PTK7: variants seen among roughly 807,000 people sequenced by gnomAD.
PTK7 encodes inactive tyrosine-protein kinase 7.
A neutral mutation model predicts 116.6 loss-of-function variants in PTK7; 39 were observed. The observed-to-expected ratio is 0.33, with a 90% CI of 0.26 to 0.44. PTK7 has a LOEUF of 0.44. PTK7 is among the 20% of genes least tolerant of loss of function. The pLI, the probability that PTK7 is intolerant of heterozygous loss-of-function variation, is 1.00. For synonymous variants in PTK7, 546 were observed against 563.6 expected (o/e 0.97, Z 0.44); for missense variants, 1,169 against 1,425.6 (o/e 0.82, Z 2.90).
chr6:43,085,909 G>A (rs1428852202), intron 1 of PTK7, among the ~76,000 whole-genome samples: 4 of 149,814 alleles, frequency 2.7e-5, no homozygotes, highest in Non-Finnish European at 5.9e-5. Context: ...CTCCAGCCTG[G>A]GCAACAAGAG....
intron 17 of PTK7, among the ~76,000 whole-genome samples, chr6:43,153,992 G>A (rs1323226038): frequency 6.6e-6 from 1 of 151,890 alleles, no homozygotes; most frequent in South Asian, 2.1e-4. Context: ...GTGAAACCCC[G>A]TTTCTACTAA....
At position 43,138,232 on chromosome 6, in the gene PTK7, G is replaced by GTGCAGT. The variant is rs367560522; in HGVS notation, c.1229-616_1229-611dup. 5.8e-3 allele frequency among the ~76,000 whole-genome samples: 883 copies of GTGCAGT among 151,866 alleles called. 15 individuals are homozygous for GTGCAGT. The highest frequency in any genetic ancestry group is 0.02 in the African/African-American group (829 of 41,384). The stretch of plus-strand genomic sequence containing the variant: ...GTTTCACTCTGTTGCCTAGGCTAGA[G>GTGCAGT]TGCAGTGTCTTACAGCAGCCCTCCC... On this transcript the variant is annotated intron_variant, in intron 7 of 19. Transcript: ENST00000230419.
chr6:43,134,283 C>T (rs750585352), intron 7 of PTK7, among the ~76,000 whole-genome samples: 1 of 152,108 alleles, frequency 6.6e-6, no homozygotes, highest in South Asian at 2.1e-4. Flanking sequence ...AAGTGATCCA[C>T]CTGCCTCGGC....
intron 1 of PTK7, among the ~76,000 whole-genome samples, chr6:43,106,723 G>A (rs1767909602): frequency 7.1e-6 from 1 of 140,342 alleles, no homozygotes; most frequent in Admixed American, 8.0e-5. Context: ...GTGTGATCTC[G>A]ACTCATGGCA....
At chr6:43,114,154 T>C (rs1768358956) in intron 1 of PTK7, among the ~76,000 whole-genome samples, 1 of 152,190 alleles carries the variant, frequency 6.6e-6, no homozygotes, top group Non-Finnish European at 1.5e-5. Flanking sequence ...CCTGCAGGCA[T>C]GGGGAGCTCC....
chr6:43,117,568 C>T (rs1278174129), intron 1 of PTK7, among the ~76,000 whole-genome samples: 4 of 152,092 alleles, frequency 2.6e-5, no homozygotes, highest in Non-Finnish European at 5.9e-5. Context: ...TCCTTGACTC[C>T]GATTTCCTTG....
At chr6:43,118,397 C>T (rs966976831) in intron 1 of PTK7, among the ~76,000 whole-genome samples, 7 of 151,386 alleles carry the variant, frequency 4.6e-5, no homozygotes, top group African/African-American at 9.7e-5. Context: ...ATTAGCTGGG[C>T]GTGGTGGCGG....
chr6:43,124,708 G>GT (rs1466501351), intron 1 of PTK7, among the ~76,000 whole-genome samples: 2 of 152,084 alleles, frequency 1.3e-5, no homozygotes, highest in Non-Finnish European at 2.9e-5. Context: ...ACAGGCCAAC[G>GT]TCCCCCGCTG....
chr6:43,119,717 C>T (rs1768847092), intron 1 of PTK7, among the ~76,000 whole-genome samples: 1 of 152,188 alleles, frequency 6.6e-6, no homozygotes, highest in Admixed American at 6.5e-5. Context: ...TTCCAGCAGC[C>T]CTGTTGCCTT....
Position 43,131,955 on chromosome 6 carries a change from A to G in PTK7, c.813-61A>G. ...CTTTGCAGGAAAGGGGTTCCCTTGC[A>G]TTCCTTTCCAGAACTAGGCCTATTG... On this transcript the variant is annotated intron_variant, in intron 5 of 19. Transcript: ENST00000230419. 6 of 1,605,948 alleles carry G rather than the reference A, an allele frequency of 3.7e-6. No individual in the cohort carries two copies. The South Asian group carries it at 6.6e-5, about 18-fold the overall frequency.
intron 17 of PTK7, among the ~76,000 whole-genome samples, chr6:43,158,037 G>A (rs988819989): frequency 5.3e-5 from 8 of 152,028 alleles, no homozygotes; most frequent in African/African-American, 1.9e-4. Context: ...AGTGGCTCAT[G>A]CCTGTAATCC....
intron 17 of PTK7, among the ~76,000 whole-genome samples, chr6:43,157,365 T>TATATATATA (rs1554162298): frequency 3.3e-4 from 9 of 26,874 alleles, no homozygotes; most frequent in Non-Finnish European, 4.8e-4. Context: ...TATATATATA[T>TATATATATA]TTTTTTTTTT....
chr6:43,140,374 A>T (rs564558871), intron 10 of PTK7, among the ~76,000 whole-genome samples: 1 of 150,906 alleles, frequency 6.6e-6, no homozygotes, highest in Non-Finnish European at 1.5e-5. Context: ...AATTGTTTGA[A>T]CCCAGGAGGC....
In PTK7 at chr6:43,159,810, G is replaced by T; in HGVS notation, c.2896G>T (p.Ala966Ser). The T allele has an allele frequency of 6.2e-7, 1 of 1,614,210 alleles. No individual in the cohort carries two copies. Among genetic ancestry groups the T allele is most frequent in the Non-Finnish European group, 8.5e-7 (1 of 1,180,032 alleles). The change falls in exon 19 of 20, where the codon GCC becomes TCC. Residue 966 changes from alanine to serine, a missense_variant. Ala to Ser is a moderately conservative substitution (Grantham distance 99). Coordinates refer to ENST00000230419, the MANE Select transcript of PTK7 (RefSeq NM_002821.5). ...YNSEYYHFRQ[A>S]WVPLRWMSPE... ...CAGTGAGTACTACCACTTCCGCCAG[G>T]CCTGGGTGCCGCTGCGCTGGATGTC...
intron 17 of PTK7, among the ~76,000 whole-genome samples, chr6:43,155,998 G>T (rs1771402928): frequency 6.6e-6 from 1 of 151,908 alleles, no homozygotes; most frequent in Admixed American, 6.6e-5. Context: ...GGAGGCTGAG[G>T]CAGGCTGATC....
intron 17 of PTK7, among the ~76,000 whole-genome samples, chr6:43,153,634 C>G (rs1163834521): frequency 6.6e-6 from 1 of 151,814 alleles, no homozygotes. Flanking sequence ...TGGTCTCAAA[C>G]TCCTAGGCTC....
chr6:43,092,213 G>T (rs368740041), intron 1 of PTK7, among the ~76,000 whole-genome samples: 1 of 152,168 alleles, frequency 6.6e-6, no homozygotes, highest in East Asian at 1.9e-4. Flanking sequence ...TTGCTCTGTT[G>T]CCCAGGCTGG....
chr6:43,138,690 T>G (rs1360855848), intron 7 of PTK7, 159 bp from the exon 8 acceptor site: 1 of 1,012,796 alleles, frequency 9.9e-7, no homozygotes, highest in African/African-American at 1.6e-5. Flanking sequence ...AAAAAGGTGC[T>G]GGCACCTGGG....
At chr6:43,149,332 A>G (rs897763528) in intron 17 of PTK7, among the ~76,000 whole-genome samples, 10 of 152,136 alleles carry the variant, frequency 6.6e-5, no homozygotes, top group Non-Finnish European at 1.5e-4. Flanking sequence ...AGATCTTGCC[A>G]CTGCACTCCA....
Sources: allele counts gnomAD v4.1 joint callset (sites outside exome capture counted in the v4.1 genomes callset), GRCh38; gene constraint gnomAD v4.1.1; transcripts MANE v1.5; gene names NCBI Gene and HGNC (gene_info 2026-07-23, HGNC 2026-07-21).